Variants in ATP5MC2 observed in about 807,000 individuals in gnomAD.
The protein encoded by ATP5MC2 is ATP synthase F(0) complex subunit C2, mitochondrial.
Under a neutral mutation model 13.5 loss-of-function variants are expected in ATP5MC2, and 11 were observed. The observed-to-expected ratio is 0.81, with a 90% CI of 0.51 to 1.35. The LOEUF is 1.35. Ranked by LOEUF, ATP5MC2 falls within the 40% of genes most tolerant of loss-of-function variation. ATP5MC2 has a pLI of 0.00. For synonymous variants in ATP5MC2, 64 were observed against 69.7 expected (o/e 0.92, Z 0.41); for missense variants, 132 against 175.0 (o/e 0.75, Z 1.39).
At position 53,669,967 on chromosome 12, in the gene ATP5MC2, A is replaced by T. The variant is rs1160974558; in HGVS notation, c.40-19T>A. The T allele has an allele frequency of 6.2e-7, 1 of 1,612,484 alleles. No individual in the cohort carries two copies. ...TCTTGACCTAGCAGGAATGACATAC[A>T]GGGGCAGGAAGGTCAAGGAAGACTG... On this transcript the variant is annotated intron_variant, in intron 2 of 4. Coordinates refer to ENST00000394349, the MANE Select transcript of ATP5MC2 (RefSeq NM_005176.7).
intron 3 of ATP5MC2, 127 bp downstream of exon 3, chr12:53,669,744 T>C (rs1945038749): frequency 9.9e-7 from 1 of 1,005,832 alleles, no homozygotes; most frequent in African/African-American, 1.6e-5. Flanking sequence ...CTAAAGCCCA[T>C]GGCCTTGGCC....
chr12:53,669,053 C>T, intron 4 of ATP5MC2, 95 bp downstream of exon 4: 1 of 1,408,158 alleles, frequency 7.1e-7, no homozygotes, highest in South Asian at 1.8e-5. Flanking sequence ...TAGCTAGTGG[C>T]TACAGTGTGG....
At chr12:53,679,238 CGAGAGA>C (rs59340879), upstream of ATP5MC2, among the ~76,000 whole-genome samples, 31,004 of 127,618 alleles carry the variant, frequency 0.24, 3,677 homozygotes, top group Admixed American at 0.29. Context: ...ATTTTAAAAA[CGAGAGA>C]GAGAGAGAGA....
intron 4 of ATP5MC2, among the ~76,000 whole-genome samples, chr12:53,667,052 C>T (rs1302729617): frequency 6.6e-6 from 1 of 151,960 alleles, no homozygotes; most frequent in Non-Finnish European, 1.5e-5. Context: ...TCTGTATTTC[C>T]CTTACTCTGA....
Position 53,676,051 on chromosome 12 carries a change from A to C in ATP5MC2, c.-32+2T>G. 1 of 1,613,726 alleles carries C rather than the reference A, an allele frequency of 6.2e-7. No homozygotes were observed. The highest frequency in any genetic ancestry group is 8.5e-7 in the Non-Finnish European group (1 of 1,179,918). On this transcript the variant is annotated splice_donor_variant, in intron 1 of 4. Coordinates refer to ENST00000394349, the MANE Select transcript of ATP5MC2 (RefSeq NM_005176.7). LOFTEE classifies it low-confidence loss of function (5UTR_SPLICE). ...AGAGGGCTCTAGGTCCCAAGGCCTT[A>C]CCTGCTCCCACTGCAGAGAAGACAG...
At chr12:53,675,281 G>A (rs1945231019) in intron 1 of ATP5MC2, among the ~76,000 whole-genome samples, 1 of 152,184 alleles carries the variant, frequency 6.6e-6, no homozygotes, top group South Asian at 2.1e-4. Flanking sequence ...CAGGAAAGCT[G>A]GCAGGCAGGG....
chr12:53,681,407 T>G (rs1286395381), upstream of ATP5MC2, among the ~76,000 whole-genome samples: 9 of 150,594 alleles, frequency 6.0e-5, 3 homozygotes, highest in African/African-American at 2.2e-4. Context: ...GCACCTGTAA[T>G]CCCAGCTACT....
intron 2 of ATP5MC2, among the ~76,000 whole-genome samples, chr12:53,672,083 C>CA (rs916010110): frequency 0.04 from 1,891 of 47,038 alleles, 140 homozygotes; most frequent in Middle Eastern, 0.11. Context: ...AACTCTGTCT[C>CA]AAAAAAAAAA....
intron 1 of ATP5MC2, 134 bp downstream of exon 1, chr12:53,675,919 G>C (rs1007958457): frequency 1.2e-5 from 16 of 1,339,868 alleles, no homozygotes; most frequent in Non-Finnish European, 1.6e-5. Flanking sequence ...AAGGCTAAGG[G>C]ATAGCGGAAG....
intron 2 of ATP5MC2, among the ~76,000 whole-genome samples, chr12:53,672,083 C>CCAAAAAAAAAAAAAAA (rs1945110526): frequency 2.1e-5 from 1 of 47,186 alleles, no homozygotes; most frequent in Admixed American, 2.7e-4. Flanking sequence ...AACTCTGTCT[C>CCAAAAAAAAAAAAAAA]AAAAAAAAAA....
chr12:53,672,583 G>C lies in ATP5MC2; in HGVS notation c.32C>G (p.Pro11Arg). 1 of 1,579,384 alleles carries C rather than the reference G, an allele frequency of 6.3e-7. No homozygotes were observed. The highest frequency in any genetic ancestry group is 1.3e-5 in the African/African-American group (1 of 74,758). MFACSKFVST[P>R]SLVKSTSQLL... is the part of the protein sequence containing the mutation. ...AGAAAAGCAGGTACTCACCAAGGAG[G>C]GAGTGGAGACAAACTTGGAGCAGGC... The change falls in exon 2 of 5, where the codon CCC becomes CGC. Residue 11 changes from proline (P) to arginine (R), a missense_variant. Transcript: ENST00000394349.
chr12:53,676,159 G>A, upstream of ATP5MC2: 2 of 1,614,258 alleles, frequency 1.2e-6, no homozygotes, highest in South Asian at 2.2e-5. Flanking sequence ...GCCACGGATA[G>A]AGTGATTGCA....
Position 53,676,041 on chromosome 12 carries a change from C to T in ATP5MC2, c.-32+12G>A, listed in dbSNP as rs1025363140. The T allele has an allele frequency of 3.1e-6, 5 of 1,612,802 alleles. No homozygotes were observed. The South Asian group carries it at 3.3e-5, about 11-fold the overall frequency. On this transcript the variant is annotated intron_variant, in intron 1 of 4. Coordinates refer to ENST00000394349, the MANE Select transcript of ATP5MC2 (RefSeq NM_005176.7). ...CGCAGCGCACAGAGGGCTCTAGGTCCCAAGGCCTTACCTGCTCCCACTGCA... is the reference window on the plus strand; with the variant it reads ...CGCAGCGCACAGAGGGCTCTAGGTCTCAAGGCCTTACCTGCTCCCACTGCA...
At chr12:53,669,815 T>C (rs1408802721) in intron 3 of ATP5MC2, 56 bp downstream of exon 3, 12 of 1,570,366 alleles carry the variant, frequency 7.6e-6, no homozygotes, top group African/African-American at 1.4e-5. Flanking sequence ...TTCTGGCAGG[T>C]AACCCTCCCC....
intron 1 of ATP5MC2, 102 bp downstream of exon 1, chr12:53,675,951 G>C: frequency 6.7e-7 from 1 of 1,490,542 alleles, no homozygotes; most frequent in East Asian, 2.4e-5. Flanking sequence ...GAGAGGACCA[G>C]GGTGGGAGCA....
intron 1 of ATP5MC2, among the ~76,000 whole-genome samples, chr12:53,675,293 C>G (rs1945231608): frequency 6.6e-6 from 1 of 152,182 alleles, no homozygotes; most frequent in Non-Finnish European, 1.5e-5. Context: ...CAGGCAGGGT[C>G]TCATGCTGGC....
At chr12:53,677,577 G>A (rs1422163389), upstream of ATP5MC2, among the ~76,000 whole-genome samples, 2 of 152,220 alleles carry the variant, frequency 1.3e-5, no homozygotes, top group Non-Finnish European at 2.9e-5. Flanking sequence ...GGAGTGGGGA[G>A]AAATAGGAGA....
At chr12:53,667,450 T>A (rs1944946932) in intron 4 of ATP5MC2, among the ~76,000 whole-genome samples, 1 of 152,192 alleles carries the variant, frequency 6.6e-6, no homozygotes, top group South Asian at 2.1e-4. Context: ...GTGGGCCGCA[T>A]ATAGTCTCTT....
chr12:53,668,025 G>A (rs1180567666), intron 4 of ATP5MC2, among the ~76,000 whole-genome samples: 2 of 118,282 alleles, frequency 1.7e-5, no homozygotes, highest in African/African-American at 3.0e-5. Context: ...GTCTCACTCT[G>A]TTGCCCAGAC....
Sources: allele counts gnomAD v4.1 joint callset (sites outside exome capture counted in the v4.1 genomes callset), GRCh38; gene constraint gnomAD v4.1.1; transcripts MANE v1.5; gene names NCBI Gene and HGNC (gene_info 2026-07-23, HGNC 2026-07-21).